The following JAKMIP3 variants were observed in gnomAD, a reference collection of about 807,000 sequenced individuals.
JAKMIP3 encodes Janus kinase and microtubule interacting protein 3.
Under a neutral mutation model 118.5 loss-of-function variants are expected in JAKMIP3, and 58 were observed. The ratio of observed to expected loss-of-function variants is 0.49; its 90% CI spans 0.40 to 0.61. JAKMIP3 has a LOEUF of 0.61. Among genes scored for constraint, JAKMIP3 ranks in the 20% least tolerant of loss-of-function variants. The probability of loss-of-function intolerance (pLI) is 0.00; values close to 1 mark genes in which losing one functional copy is unlikely to be tolerated. For synonymous variants in JAKMIP3, 486 were observed against 451.2 expected (o/e 1.08, Z -0.98); for missense variants, 950 against 1,109.0 (o/e 0.86, Z 2.04).
At chr10:132,113,768 T>C (rs1442286616) in intron 2 of JAKMIP3, among the ~76,000 whole-genome samples, 1 of 152,222 alleles carries the variant, frequency 6.6e-6, no homozygotes, top group Non-Finnish European at 1.5e-5. Context: ...GGGATTGATT[T>C]TGGCACATGA....
At chr10:132,051,291 C>T (rs1345007119) in intron 1 of JAKMIP3, among the ~76,000 whole-genome samples, 11 of 128,686 alleles carry the variant, frequency 8.5e-5, no homozygotes, top group African/African-American at 1.5e-4. Flanking sequence ...TAATTCCAGC[C>T]GTTCTGGTTG....
intron 19 of JAKMIP3, among the ~76,000 whole-genome samples, chr10:132,160,268 G>A (rs1487754932): frequency 1.8e-4 from 1 of 5,480 alleles, no homozygotes; most frequent in Non-Finnish European, 3.1e-4. Context: ...ATGCTGGGGG[G>A]GCCTCTTCCT....
chr10:132,174,251 C>G (rs561721259), intron 23 of JAKMIP3, among the ~76,000 whole-genome samples: 1 of 152,290 alleles, frequency 6.6e-6, no homozygotes, highest in South Asian at 2.1e-4. Flanking sequence ...GCAGCCCTGA[C>G]CTGTTTCTCA....
At chr10:132,102,794 A>G (rs918559957) in intron 1 of JAKMIP3, among the ~76,000 whole-genome samples, 4 of 152,138 alleles carry the variant, frequency 2.6e-5, no homozygotes, top group Admixed American at 2.0e-4. Flanking sequence ...GCCTTCATCA[A>G]ACTGCAGGGC....
intron 23 of JAKMIP3, among the ~76,000 whole-genome samples, chr10:132,172,445 G>A (rs537996067): frequency 7.9e-5 from 12 of 152,156 alleles, no homozygotes; most frequent in African/African-American, 2.9e-4. Flanking sequence ...TGTGAACGTT[G>A]CCCCGATCTC....
chr10:132,047,635 C>CA (rs2037955948), intron 1 of JAKMIP3, among the ~76,000 whole-genome samples: 1 of 152,116 alleles, frequency 6.6e-6, no homozygotes, highest in African/African-American at 2.4e-5. Context: ...GTCCCCACCC[C>CA]CCCCTGCGAG....
At chr10:132,106,891 C>CT (rs1359001457) in intron 2 of JAKMIP3, among the ~76,000 whole-genome samples, 1 of 152,008 alleles carries the variant, frequency 6.6e-6, no homozygotes, top group Non-Finnish European at 1.5e-5. Flanking sequence ...TAACAATTAT[C>CT]TTTTTTTAAA....
At chr10:132,078,835 C>T (rs954266122) in intron 1 of JAKMIP3, among the ~76,000 whole-genome samples, 2 of 152,256 alleles carry the variant, frequency 1.3e-5, no homozygotes, top group African/African-American at 4.8e-5. Flanking sequence ...GAGCGTGTTC[C>T]TCTTCTGTCG....
intron 9 of JAKMIP3, among the ~76,000 whole-genome samples, chr10:132,139,517 AGT>A (rs1242992165): frequency 1.5e-5 from 2 of 134,842 alleles, no homozygotes; most frequent in Non-Finnish European, 3.4e-5. Flanking sequence ...TGTGAGTGTG[AGT>A]GTGTGTGTGG....
chr10:132,069,731 A>G (rs2039520996), intron 1 of JAKMIP3, among the ~76,000 whole-genome samples: 1 of 152,208 alleles, frequency 6.6e-6, no homozygotes, highest in Non-Finnish European at 1.5e-5. Context: ...AGAGGAAACC[A>G]TGGACAGAAG....
At chr10:132,105,863 C>G (rs572047249) in intron 2 of JAKMIP3, among the ~76,000 whole-genome samples, 1 of 152,344 alleles carries the variant, frequency 6.6e-6, no homozygotes, top group Admixed American at 6.5e-5. Context: ...GTTTCTTGCC[C>G]ATCAAAGGCA....
intron 9 of JAKMIP3, among the ~76,000 whole-genome samples, chr10:132,140,092 A>G (rs2053176150): frequency 6.6e-6 from 1 of 152,220 alleles, no homozygotes; most frequent in Non-Finnish European, 1.5e-5. Context: ...GAAATGCATC[A>G]CTGGGAATGA....
In JAKMIP3 at chr10:132,179,620, A is replaced by G. The variant is rs1456323039; in HGVS notation, c.*1104-2737A>G. Among the ~76,000 whole-genome samples the G allele has an allele frequency of 6.6e-6, 1 of 151,268 alleles. No homozygotes were observed. The highest frequency in any genetic ancestry group is 2.4e-5 in the African/African-American group (1 of 41,216). ...CACACTTCCAGGCAACAGTGAAAGC[A>G]GATGTTCTGGGGGTCCCCGAGACCA... On this transcript the variant is annotated intron_variant, in intron 23 of 23. Transcript: ENST00000684848. This position sits in a 1 kb window ranked among gnomAD's most constrained non-coding sequence, Gnocchi z 4.3.
At position 132,168,117 on chromosome 10, in the gene JAKMIP3, C is replaced by T. The variant is rs1023172792; in HGVS notation, c.*187C>T. 1.4e-5 allele frequency: 18 copies of T among 1,288,178 alleles called. No homozygotes were observed. The highest frequency in any genetic ancestry group is 1.7e-5 in the Non-Finnish European group (17 of 988,024). The allele number at this position is 1,288,178 out of a possible 1,614,324, so 79.8% of individuals were successfully genotyped here. On this transcript the variant is annotated 3_prime_UTR_variant, in exon 23 of 24. Transcript: ENST00000684848. Reference sequence around the variant, plus strand: ...GTGTGTGGGGCGTGGAGCTGCCGTCCACGTGGGATGTGCCAGAACTAGAAC... The same window carrying T: ...GTGTGTGGGGCGTGGAGCTGCCGTCTACGTGGGATGTGCCAGAACTAGAAC...
Position 132,045,293 on chromosome 10 carries a change from C to G in JAKMIP3, c.-138+8555C>G, listed in dbSNP as rs935749020. ...GCAGGGATTCTGAGCCTGTTTCATG[C>G]TTGTTGGCTGCCTGGATGTTGGCTT... On this transcript the variant is annotated intron_variant, in intron 1 of 23. Coordinates refer to the JAKMIP3 transcript ENST00000657785. Among the ~76,000 whole-genome samples the G allele has an allele frequency of 2.0e-5, 3 of 152,262 alleles. No individual in the cohort carries two copies. The East Asian group carries it at 5.8e-4, about 29-fold the overall frequency.
chr10:132,130,086 A>G (rs906190069), intron 3 of JAKMIP3, among the ~76,000 whole-genome samples: 1 of 152,072 alleles, frequency 6.6e-6, no homozygotes, highest in African/African-American at 2.4e-5. Flanking sequence ...TTGGGCTCCT[A>G]AAATGTCACA....
At chr10:132,097,294 A>G (rs1013559229) in intron 1 of JAKMIP3, among the ~76,000 whole-genome samples, 7 of 152,194 alleles carry the variant, frequency 4.6e-5, no homozygotes, top group African/African-American at 1.7e-4. Context: ...TGGTGCAGCC[A>G]CACCGTGGGT....
chr10:132,142,764 C>T (rs929357478), intron 11 of JAKMIP3, among the ~76,000 whole-genome samples: 12 of 152,296 alleles, frequency 7.9e-5, no homozygotes, highest in Admixed American at 2.0e-4. Flanking sequence ...CCCCTCACAG[C>T]GAGACGGGCT....
upstream of JAKMIP3, among the ~76,000 whole-genome samples, chr10:132,060,471 G>A (rs762251934): frequency 1.7e-4 from 26 of 152,128 alleles, no homozygotes; most frequent in Non-Finnish European, 3.5e-4. Flanking sequence ...TAGCGAATTC[G>A]GAATACAGAT....
Sources: allele counts gnomAD v4.1 joint callset (sites outside exome capture counted in the v4.1 genomes callset), GRCh38; gene constraint gnomAD v4.1.1; non-coding constraint Gnocchi (gnomAD v3.1); transcripts MANE v1.5; gene names NCBI Gene and HGNC (gene_info 2026-07-23, HGNC 2026-07-21).